Variants in ACMSD observed in about 807,000 individuals in gnomAD.
The protein encoded by ACMSD is 2-amino-3-carboxymuconate-6-semialdehyde decarboxylase.
A neutral mutation model predicts 45.9 loss-of-function variants in ACMSD; 37 were observed. The ratio of observed to expected loss-of-function variants is 0.81; its 90% CI spans 0.62 to 1.06. ACMSD has a LOEUF of 1.06. Among genes scored for constraint, ACMSD ranks in the 50% least tolerant of loss-of-function variants. ACMSD has a pLI of 0.00. For synonymous variants in ACMSD, 138 were observed against 148.8 expected (o/e 0.93, Z 0.53); for missense variants, 434 against 420.9 (o/e 1.03, Z -0.27).
At chr2:134,839,951 G>A (rs1459385714) in intron 1 of ACMSD, among the ~76,000 whole-genome samples, 1 of 151,908 alleles carries the variant, frequency 6.6e-6, no homozygotes, top group Non-Finnish European at 1.5e-5. Flanking sequence ...CATCTGCCTT[G>A]TTTAGAAGCT....
At chr2:134,876,684 C>T (rs577922986) in intron 8 of ACMSD, among the ~76,000 whole-genome samples, 1 of 152,056 alleles carries the variant, frequency 6.6e-6, no homozygotes, top group East Asian at 1.9e-4. Flanking sequence ...GAACACACTC[C>T]AAAATAATGA....
At chr2:134,887,945 C>G (rs1411731094) in intron 8 of ACMSD, among the ~76,000 whole-genome samples, 1 of 152,170 alleles carries the variant, frequency 6.6e-6, no homozygotes, top group Admixed American at 6.5e-5. Flanking sequence ...AAGAATATCT[C>G]TTCAACCTGG....
intron 2 of ACMSD, among the ~76,000 whole-genome samples, chr2:134,853,581 C>G (rs751094301): frequency 9.2e-5 from 14 of 152,116 alleles, no homozygotes; most frequent in Admixed American, 1.3e-4. Context: ...CCCAAGAAAT[C>G]CCTGTTTCCT....
intron 8 of ACMSD, among the ~76,000 whole-genome samples, chr2:134,878,649 T>C (rs1418867243): frequency 1.3e-5 from 2 of 152,212 alleles, no homozygotes; most frequent in African/African-American, 4.8e-5. Context: ...CTGTTGCTTC[T>C]ACATTCTCAG....
intron 8 of ACMSD, among the ~76,000 whole-genome samples, chr2:134,886,246 A>ATTATTATTTTTTTTTTTTT: frequency 8.7e-6 from 1 of 115,474 alleles, no homozygotes; most frequent in African/African-American, 3.6e-5. Flanking sequence ...TATTATTATT[A>ATTATTATTTTTTTTTTTTT]TTTTTTTTTT....
At chr2:134,876,411 CTTATA>C (rs1448242192) in intron 8 of ACMSD, among the ~76,000 whole-genome samples, 3 of 152,132 alleles carry the variant, frequency 2.0e-5, no homozygotes, top group Non-Finnish European at 4.4e-5. Context: ...GATAATCTCT[CTTATA>C]TTAAAGAGAA....
At chr2:134,840,543 T>C (rs952889448) in intron 1 of ACMSD, among the ~76,000 whole-genome samples, 1 of 152,136 alleles carries the variant, frequency 6.6e-6, no homozygotes, top group Non-Finnish European at 1.5e-5. Context: ...ATGAGATTAG[T>C]GCCCTTATAA....
chr2:134,857,128 T>C (rs1466123566), intron 2 of ACMSD, among the ~76,000 whole-genome samples: 1 of 152,180 alleles, frequency 6.6e-6, no homozygotes, highest in African/African-American at 2.4e-5. Context: ...CTAAGTATTT[T>C]TAAATACTAT....
Position 134,850,965 on chromosome 2 carries a change from T to C in ACMSD, c.102+5688T>C, listed in dbSNP as rs142796194. Among the ~76,000 whole-genome samples, 36 of 152,292 alleles carry C rather than the reference T, an allele frequency of 2.4e-4. No individual in the cohort carries two copies. The East Asian group carries it at 6.4e-3, about 27-fold the overall frequency. On this transcript the variant is annotated intron_variant, in intron 2 of 9. Coordinates refer to ENST00000356140, the MANE Select transcript of ACMSD (RefSeq NM_138326.3). ...TCTCCTCCCTCCTGGCCCCCTCTGG[T>C]AGTCCCCAGTGTCTACTGTTGCCAT...
At chr2:134,896,905 T>C (rs553014844) in intron 8 of ACMSD, among the ~76,000 whole-genome samples, 2 of 152,206 alleles carry the variant, frequency 1.3e-5, no homozygotes, top group South Asian at 4.1e-4. Flanking sequence ...CAGGCAATTC[T>C]GGAGACACAG....
chr2:134,877,637 G>T (rs1688808425), intron 8 of ACMSD: 1 of 150,996 alleles, frequency 6.6e-6, no homozygotes, highest in Non-Finnish European at 1.5e-5. Flanking sequence ...CCCCAAGAGT[G>T]AGTGATCTGA....
intron 7 of ACMSD, among the ~76,000 whole-genome samples, chr2:134,871,682 GAC>G (rs1170611331): frequency 1.2e-3 from 173 of 138,876 alleles, no homozygotes; most frequent in Non-Finnish European, 1.8e-3. Context: ...TCAACAGACA[GAC>G]ACACACACAC....
chr2:134,851,235 T>C (rs1687328425), intron 2 of ACMSD, among the ~76,000 whole-genome samples: 1 of 152,214 alleles, frequency 6.6e-6, no homozygotes, highest in African/African-American at 2.4e-5. Flanking sequence ...GTTGATACCA[T>C]GTCTTTGCCA....
At chr2:134,894,579 T>C (rs1204542842) in intron 8 of ACMSD, among the ~76,000 whole-genome samples, 1 of 151,948 alleles carries the variant, frequency 6.6e-6, no homozygotes. Flanking sequence ...CTTCAAAAAA[T>C]ATAAAAGAGC....
intron 8 of ACMSD, chr2:134,877,763 T>C (rs550181460): frequency 2.6e-5 from 4 of 152,298 alleles, no homozygotes; most frequent in African/African-American, 7.2e-5. Context: ...AGCTATCCTT[T>C]TTATGACCTA....
intron 9 of ACMSD, 150 bp from the exon 10 acceptor site, chr2:134,901,648 A>G (rs1690507444): frequency 2.2e-6 from 1 of 459,702 alleles, no homozygotes; most frequent in Admixed American, 4.1e-5. Flanking sequence ...ACATAGGTCA[A>G]GAGGATTTTG....
intron 8 of ACMSD, among the ~76,000 whole-genome samples, chr2:134,880,548 A>T (rs1261099918): frequency 6.6e-6 from 1 of 151,722 alleles, no homozygotes; most frequent in African/African-American, 2.4e-5. Context: ...GCTTCTATTT[A>T]GTTGGTCTCT....
At position 134,852,662 on chromosome 2, in the gene ACMSD, G is replaced by A. The variant is rs111644921; in HGVS notation, c.103-6599G>A. Among the ~76,000 whole-genome samples, 1,450 of 152,160 alleles carry A rather than the reference G, an allele frequency of 9.5e-3. 18 individuals carry two copies. Among genetic ancestry groups the A allele is most frequent in the Middle Eastern group, 0.027 (8 of 294 alleles). On this transcript the variant is annotated intron_variant, in intron 2 of 9. Transcript: ENST00000356140. ...TGGGTTGGTTGAAGTAGGGCCTCCC[G>A]GGGGAGCTGTCCTTCAGAACCTGGG...
In ACMSD at chr2:134,852,327, T is replaced by A. The variant is rs1371201792; in HGVS notation, c.103-6934T>A. On this transcript the variant is annotated intron_variant, in intron 2 of 9. Transcript: ENST00000356140. Reference sequence around the variant, plus strand: ...TTGTGGAGACTAGGTTGAAAGGGAGTCAGAATGGAAGCAGGGAGATGGGGC... The same window carrying A: ...TTGTGGAGACTAGGTTGAAAGGGAGACAGAATGGAAGCAGGGAGATGGGGC... Among the ~76,000 whole-genome samples the A allele has an allele frequency of 2.0e-5, 3 of 151,628 alleles. No individual in the cohort carries two copies. The East Asian group carries it at 5.8e-4, about 29-fold the overall frequency.
Sources: gnomAD v4.1 joint callset for allele counts (sites outside exome capture counted in the v4.1 genomes callset) on GRCh38, gnomAD v4.1.1 for gene constraint, MANE v1.5 for transcripts, NCBI Gene and HGNC (gene_info 2026-07-23, HGNC 2026-07-21) for gene names.